The following FGF1 variants were observed in gnomAD, a reference collection of about 807,000 sequenced individuals.
FGF1 encodes fibroblast growth factor 1.
Under a neutral mutation model 13.4 loss-of-function variants are expected in FGF1, and 9 were observed. The observed-to-expected ratio is 0.67, with a 90% CI of 0.40 to 1.17. The LOEUF is 1.17. Among genes scored for constraint, FGF1 ranks in the 50% most tolerant of loss-of-function variants. The pLI, the probability that FGF1 is intolerant of heterozygous loss-of-function variation, is 0.01. For synonymous variants in FGF1, 93 were observed against 79.0 expected (o/e 1.18, Z -0.94); for missense variants, 156 against 192.7 (o/e 0.81, Z 1.13).
In FGF1 at chr5:142,625,313, G is replaced by GACAC. The variant is rs59813387; in HGVS notation, c.-34-11156_-34-11153dup. The stretch of plus-strand genomic sequence containing the variant: ...TAACGAAGAGAGAGAACTACAAGCG[G>GACAC]ACACACACACACACACACACACACA... On this transcript the variant is annotated intron_variant, in intron 1 of 3. Transcript: ENST00000337706. Among the ~76,000 whole-genome samples, 1,204 of 148,390 alleles carry GACAC rather than the reference G, an allele frequency of 8.1e-3. 15 individuals are homozygous for GACAC. The highest frequency in any genetic ancestry group is 0.024 in the African/African-American group (955 of 40,226).
chr5:142,605,079 A>G (rs1757348604), intron 2 of FGF1, among the ~76,000 whole-genome samples: 3 of 152,048 alleles, frequency 2.0e-5, no homozygotes, highest in African/African-American at 7.2e-5. Context: ...CTTTTTAGGT[A>G]ATCAAGGAAG....
At chr5:142,675,979 A>T (rs1391030131) in intron 1 of FGF1, among the ~76,000 whole-genome samples, 1 of 152,172 alleles carries the variant, frequency 6.6e-6, no homozygotes, top group Non-Finnish European at 1.5e-5. Context: ...TTTTTTGGGA[A>T]CATCTACAGC....
chr5:142,686,834 G>A (rs17099249), upstream of FGF1, among the ~76,000 whole-genome samples: 3,783 of 152,260 alleles, frequency 0.025, 68 homozygotes, highest in African/African-American at 0.049. Flanking sequence ...GCCTGTCCCC[G>A]TTGGATGAGG....
intron 2 of FGF1, among the ~76,000 whole-genome samples, chr5:142,608,846 A>G (rs549370356): frequency 4.6e-5 from 7 of 151,040 alleles, no homozygotes; most frequent in Middle Eastern, 3.5e-3. Flanking sequence ...AAAATCCTCT[A>G]TGTAATCAGA....
chr5:142,679,239 C>T (rs376718937), intron 1 of FGF1, among the ~76,000 whole-genome samples: 17 of 152,298 alleles, frequency 1.1e-4, no homozygotes, highest in Admixed American at 7.2e-4. Context: ...GCCTTCCTCC[C>T]GCTCCTTGGT....
In FGF1 at chr5:142,593,072, G is replaced by A. The variant is rs1754583166; in HGVS notation, c.*2218C>T. The A allele has an allele frequency of 1.3e-5, 2 of 152,130 alleles. No homozygotes were observed. The highest frequency in any genetic ancestry group is 2.9e-5 in the Non-Finnish European group (2 of 68,024). The allele number at this position is 152,130 out of a possible 1,614,324, so 9.4% of individuals were successfully genotyped here. ...GGGCTGAGATGGTCGAGGTCACATTGGTGTTTTTACTACAATGCTTTGCAT... is the reference window on the plus strand; with the variant it reads ...GGGCTGAGATGGTCGAGGTCACATTAGTGTTTTTACTACAATGCTTTGCAT... On this transcript the variant is annotated 3_prime_UTR_variant, in exon 4 of 4. Transcript: ENST00000337706.
rs146881349 is a variant in FGF1 at position 142,642,382 on chromosome 5, G to A, written c.-34-28221C>T. ...GGGTAATGTCCTGATCAAGGCCTGA[G>A]GGGATAGTTCTGTGGGGCCTTTTCA... is the stretch of plus-strand genomic sequence containing the variant. On this transcript the variant is annotated intron_variant, in intron 1 of 3. Transcript: ENST00000337706. Among the ~76,000 whole-genome samples, 108 of 152,354 alleles carry A rather than the reference G, an allele frequency of 7.1e-4. No individual in the cohort carries two copies. The East Asian group carries it at 0.019, about 27-fold the overall frequency.
chr5:142,645,113 A>G (rs182164974), intron 1 of FGF1, among the ~76,000 whole-genome samples: 1 of 152,176 alleles, frequency 6.6e-6, no homozygotes, highest in Admixed American at 6.5e-5. Flanking sequence ...CTTGTAATGC[A>G]GTCATCTCCT....
chr5:142,679,344 C>T (rs1773277157), intron 1 of FGF1, among the ~76,000 whole-genome samples: 3 of 152,202 alleles, frequency 2.0e-5, no homozygotes, highest in South Asian at 4.1e-4. Flanking sequence ...TCTGCTGATC[C>T]GTCAGACCTC....
chr5:142,656,908 T>TTTTTTA (rs1554089103), intron 1 of FGF1, among the ~76,000 whole-genome samples: 12 of 151,990 alleles, frequency 7.9e-5, no homozygotes, highest in Non-Finnish European at 1.8e-4. Context: ...GCAGGTATTT[T>TTTTTTA]TTTTTATTTT....
upstream of FGF1, among the ~76,000 whole-genome samples, chr5:142,687,139 G>T (rs577010065): frequency 9.3e-5 from 14 of 151,026 alleles, no homozygotes; most frequent in Non-Finnish European, 2.1e-4. Flanking sequence ...GTGTGTGCAC[G>T]CATGCACTCC....
chr5:142,680,284 G>T (rs1773466716), intron 1 of FGF1, among the ~76,000 whole-genome samples: 1 of 152,068 alleles, frequency 6.6e-6, no homozygotes, highest in Non-Finnish European at 1.5e-5. Flanking sequence ...TCGACTCATT[G>T]AATGAAATAA....
At chr5:142,682,676 GA>G (rs1773937205) in intron 1 of FGF1, among the ~76,000 whole-genome samples, 1 of 152,164 alleles carries the variant, frequency 6.6e-6, no homozygotes, top group Non-Finnish European at 1.5e-5. Flanking sequence ...TATTAAAAAG[GA>G]AAGGGGAAAA....
chr5:142,675,745 C>A (rs1772444422), intron 1 of FGF1, among the ~76,000 whole-genome samples: 1 of 152,214 alleles, frequency 6.6e-6, no homozygotes, highest in Non-Finnish European at 1.5e-5. Flanking sequence ...AGCCAAAATG[C>A]AAAATGGCTG....
upstream of FGF1, among the ~76,000 whole-genome samples, chr5:142,687,901 TC>T (rs561431691): frequency 2.6e-5 from 4 of 151,946 alleles, no homozygotes; most frequent in Non-Finnish European, 5.9e-5. Flanking sequence ...GGCTCCAGAT[TC>T]CCCCCCTCCT....
chr5:142,682,275 G>T (rs1597454174), intron 1 of FGF1, among the ~76,000 whole-genome samples: 1 of 152,120 alleles, frequency 6.6e-6, no homozygotes, highest in Admixed American at 6.5e-5. Context: ...GTAGACATGG[G>T]GTTTCACCGT....
chr5:142,652,128 A>G (rs1767379091), intron 1 of FGF1, among the ~76,000 whole-genome samples: 1 of 152,156 alleles, frequency 6.6e-6, no homozygotes, highest in Non-Finnish European at 1.5e-5. Flanking sequence ...TCAGGGCCAC[A>G]TGTCCAGGAA....
intron 1 of FGF1, among the ~76,000 whole-genome samples, chr5:142,640,993 G>A (rs572628520): frequency 1.2e-3 from 181 of 152,140 alleles, no homozygotes; most frequent in Non-Finnish European, 2.1e-3. Context: ...TGAATACTAG[G>A]ATTTCTGGAT....
chr5:142,630,111 C>T (rs940608218), intron 1 of FGF1, among the ~76,000 whole-genome samples: 1 of 152,030 alleles, frequency 6.6e-6, no homozygotes, highest in African/African-American at 2.4e-5. Flanking sequence ...CCAGGATGGT[C>T]TCGATCTCCT....
Sources: allele counts gnomAD v4.1 joint callset (sites outside exome capture counted in the v4.1 genomes callset), GRCh38; gene constraint gnomAD v4.1.1; transcripts MANE v1.5; gene names NCBI Gene and HGNC (gene_info 2026-07-23, HGNC 2026-07-21).